The following IL34 variants were observed in gnomAD, a reference collection of about 807,000 sequenced individuals.
IL34 encodes the protein interleukin-34.
Under a neutral mutation model 25.3 loss-of-function variants are expected in IL34, and 17 were observed. The observed-to-expected ratio is 0.67, with a 90% confidence interval of 0.46 to 1.01. The LOEUF (loss-of-function observed/expected upper bound fraction) is 1.01, where lower values mean the gene tolerates loss of function less well. IL34 is among the 50% of genes least tolerant of loss of function. The pLI, the probability that IL34 is intolerant of heterozygous loss-of-function variation, is 0.00. For missense variants in IL34, 368 were observed against 312.9 expected (o/e 1.18, Z -1.33); for synonymous variants, 174 against 140.9 (o/e 1.23, Z -1.66).
intron 1 of IL34, among the ~76,000 whole-genome samples, chr16:70,606,053 G>T (rs115341395): frequency 2.8e-4 from 41 of 146,844 alleles, no homozygotes; most frequent in Non-Finnish European, 5.3e-4. Context: ...TTTAGAGGAA[G>T]AAATTTACAT....
chr16:70,633,356 C>G (rs763402960), intron 1 of IL34, among the ~76,000 whole-genome samples: 2 of 150,342 alleles, frequency 1.3e-5, no homozygotes, highest in Non-Finnish European at 1.5e-5. Context: ...CAGGCTAAAG[C>G]GATCCACCTG....
intron 1 of IL34, among the ~76,000 whole-genome samples, chr16:70,653,001 T>C (rs1336757291): frequency 6.6e-6 from 1 of 151,744 alleles, no homozygotes; most frequent in Non-Finnish European, 1.5e-5. Context: ...GGTCAGGAGT[T>C]TGAGAACAGC....
chr16:70,623,437 G>A (rs1182912355), intron 1 of IL34, among the ~76,000 whole-genome samples: 1 of 151,814 alleles, frequency 6.6e-6, no homozygotes, highest in African/African-American at 2.4e-5. Flanking sequence ...AGGCAAAATG[G>A]GGGAATTGTA....
chr16:70,650,064 G>T (rs533935546), intron 1 of IL34, among the ~76,000 whole-genome samples: 2 of 152,328 alleles, frequency 1.3e-5, no homozygotes, highest in Non-Finnish European at 2.9e-5. Flanking sequence ...CTTCCAAAGT[G>T]CTGGGATTAC....
chr16:70,595,074 G>A (rs1411388115), intron 1 of IL34, among the ~76,000 whole-genome samples: 1 of 150,796 alleles, frequency 6.6e-6, no homozygotes, highest in South Asian at 2.1e-4. Flanking sequence ...CCTGCCTCAG[G>A]CTCCCAAGTA....
intron 1 of IL34, among the ~76,000 whole-genome samples, chr16:70,622,793 T>C (rs2051309379): frequency 6.6e-6 from 1 of 151,882 alleles, no homozygotes; most frequent in Non-Finnish European, 1.5e-5. Flanking sequence ...AAAATAGATT[T>C]TGGAAGTTAT....
rs139675658 is a variant in IL34 at position 70,594,062 on chromosome 16, G to A, written c.-401+14013G>A. Among the ~76,000 whole-genome samples, 449 of 152,302 alleles carry A rather than the reference G, an allele frequency of 2.9e-3. 1 individual carries two copies. Among genetic ancestry groups the A allele is most frequent in the Non-Finnish European group, 4.4e-3 (300 of 68,030 alleles). On this transcript the variant is annotated intron_variant, in intron 1 of 6. Coordinates refer to the IL34 transcript ENST00000429149. ...TAAGTAAGTCTTGAAGTCAGGGAGT[G>A]TCAGTTCTCTAATTCCATTCTTCTT...
intron 1 of IL34, among the ~76,000 whole-genome samples, chr16:70,627,261 G>C (rs912444683): frequency 6.6e-6 from 1 of 152,146 alleles, no homozygotes; most frequent in Non-Finnish European, 1.5e-5. Context: ...ACACAGGAAA[G>C]CTGAAGTATA....
intron 1 of IL34, among the ~76,000 whole-genome samples, chr16:70,591,749 C>T (rs1173949627): frequency 3.3e-5 from 5 of 152,070 alleles, no homozygotes; most frequent in Admixed American, 2.6e-4. Flanking sequence ...CAGCTGGTGA[C>T]GTGCAGCTGA....
intron 1 of IL34, among the ~76,000 whole-genome samples, chr16:70,608,727 G>A (rs955217418): frequency 2.6e-5 from 4 of 152,252 alleles, no homozygotes; most frequent in African/African-American, 4.8e-5. Flanking sequence ...AGGTTCAGGT[G>A]GGGCAGGCTC....
chr16:70,649,903 ATTC>A (rs2052036527), intron 1 of IL34, among the ~76,000 whole-genome samples: 1 of 152,038 alleles, frequency 6.6e-6, no homozygotes, highest in Non-Finnish European at 1.5e-5. Flanking sequence ...GGTTCAGATG[ATTC>A]TTGTGTCTCA....
intron 1 of IL34, among the ~76,000 whole-genome samples, chr16:70,637,851 A>G (rs1209210671): frequency 6.6e-6 from 1 of 152,204 alleles, no homozygotes; most frequent in Non-Finnish European, 1.5e-5. Flanking sequence ...GCTATGCTCT[A>G]TTTAAAGCAA....
chr16:70,623,821 A>T (rs540931987), intron 1 of IL34, among the ~76,000 whole-genome samples: 1 of 149,280 alleles, frequency 6.7e-6, no homozygotes, highest in Non-Finnish European at 1.5e-5. Flanking sequence ...AAAGAGTATC[A>T]TCTAAGTTGG....
chr16:70,637,595 T>A (rs1210612888), intron 1 of IL34, among the ~76,000 whole-genome samples: 1 of 150,504 alleles, frequency 6.6e-6, no homozygotes, highest in African/African-American at 2.4e-5. Flanking sequence ...CTGCCCCCCC[T>A]CGACCTCCCA....
At chr16:70,627,616 A>G (rs2051424968) in intron 1 of IL34, among the ~76,000 whole-genome samples, 1 of 152,024 alleles carries the variant, frequency 6.6e-6, no homozygotes, top group Non-Finnish European at 1.5e-5. Context: ...CTACAGGCAC[A>G]AGCCACCATA....
At chr16:70,620,046 G>A (rs530971083) in intron 1 of IL34, among the ~76,000 whole-genome samples, 56 of 152,172 alleles carry the variant, frequency 3.7e-4, no homozygotes, top group African/African-American at 1.1e-3. Flanking sequence ...GCAAGGAATT[G>A]CAACTTTTTT....
chr16:70,644,054 A>G (rs1450476449), upstream of IL34, among the ~76,000 whole-genome samples: 4 of 152,118 alleles, frequency 2.6e-5, no homozygotes, highest in Non-Finnish European at 5.9e-5. Flanking sequence ...GGCTCACTGC[A>G]ACCTCCGCCT....
chr16:70,622,733 C>T (rs570660397), intron 1 of IL34, among the ~76,000 whole-genome samples: 6 of 152,084 alleles, frequency 3.9e-5, no homozygotes, highest in South Asian at 4.2e-4. Context: ...AGAGTGAGTA[C>T]AGCTGAAGGA....
At chr16:70,599,305 CTTCT>C (rs969551651) in intron 1 of IL34, among the ~76,000 whole-genome samples, 40 of 60,276 alleles carry the variant, frequency 6.6e-4, no homozygotes, top group Non-Finnish European at 8.0e-5. Flanking sequence ...TCTTTCTTTC[CTTCT>C]TTCTTTCTTT....
Sources: gnomAD v4.1 joint callset for allele counts (sites outside exome capture counted in the v4.1 genomes callset) on GRCh38, gnomAD v4.1.1 for gene constraint, MANE v1.5 for transcripts, NCBI Gene and HGNC (gene_info 2026-07-23, HGNC 2026-07-21) for gene names.